Variants in TTLL4 observed in about 807,000 individuals in gnomAD.
The protein encoded by TTLL4 is tubulin monoglutamylase TTLL4.
Under a neutral mutation model 122.7 loss-of-function variants are expected in TTLL4, and 85 were observed. The ratio of observed to expected loss-of-function variants is 0.69; its 90% CI spans 0.58 to 0.83. The LOEUF (loss-of-function observed/expected upper bound fraction) is 0.83, where lower values mean the gene tolerates loss of function less well. TTLL4 is among the 40% of genes least tolerant of loss of function. The probability of loss-of-function intolerance (pLI) is 0.00; values close to 1 mark genes in which losing one functional copy is unlikely to be tolerated. For synonymous variants in TTLL4, 553 were observed against 563.0 expected (o/e 0.98, Z 0.25); for missense variants, 1,363 against 1,488.6 (o/e 0.92, Z 1.39).
intron 15 of TTLL4, among the ~76,000 whole-genome samples, chr2:218,751,281 C>T (rs575222128): frequency 5.3e-5 from 8 of 152,002 alleles, no homozygotes; most frequent in Non-Finnish European, 1.2e-4. Flanking sequence ...CTCACTATCT[C>T]TCTCAACAGT....
chr2:218,738,246 A>G lies in TTLL4; in HGVS notation c.570A>G (p.Glu190=), dbSNP rs1397767536. The G allele has an allele frequency of 6.2e-7, 1 of 1,613,992 alleles. No individual in the cohort carries two copies. Among genetic ancestry groups the G allele is most frequent in the Admixed American group, 1.7e-5 (1 of 60,012 alleles). ...ACCTCTGCTTGGCAGCGGCTGGGGAAAACCCTTCAGGGAAGAGCCTGGCCT... is the reference window on the plus strand; with the variant it reads ...ACCTCTGCTTGGCAGCGGCTGGGGAGAACCCTTCAGGGAAGAGCCTGGCCT... ...EPYLCLAAAG[E]NPSGKSLASA... Residue 190 remains glutamate, a synonymous_variant, in exon 3 of 20, where the codon GAA becomes GAG. Transcript: ENST00000392102.
intron 8 of TTLL4, chr2:218,746,590 A>G: frequency 2.7e-6 from 1 of 368,362 alleles, no homozygotes; most frequent in Non-Finnish European, 5.0e-6. Flanking sequence ...TCTGTTTATT[A>G]TGTTTCCCTA....
At position 218,738,922 on chromosome 2, in the gene TTLL4, A is replaced by G; in HGVS notation, c.1246A>G (p.Thr416Ala). ...TLGLDNTVFC[T>A]KRISIHLLAS... ...GGGGTTGGACAATACAGTCTTCTGTACCAAGCGTATCAGCATTCACCTCCT... is the reference window on the plus strand; with the variant it reads ...GGGGTTGGACAATACAGTCTTCTGTGCCAAGCGTATCAGCATTCACCTCCT... Residue 416 changes from threonine (T) to alanine (A), a missense_variant, in exon 3 of 20, where the codon ACC becomes GCC. Coordinates refer to ENST00000392102, the MANE Select transcript of TTLL4 (RefSeq NM_014640.5). 1 of 1,614,208 alleles carries G rather than the reference A, an allele frequency of 6.2e-7. No homozygotes were observed. Among genetic ancestry groups the G allele is most frequent in the Non-Finnish European group, 8.5e-7 (1 of 1,180,028 alleles).
chr2:218,745,161 C>T lies in TTLL4; in HGVS notation c.1714C>T (p.Arg572Ter), dbSNP rs756109818. 10 of 1,613,970 alleles carry T rather than the reference C, an allele frequency of 6.2e-6. No individual in the cohort carries two copies. Among genetic ancestry groups the T allele is most frequent in the Non-Finnish European group, 7.6e-6 (9 of 1,179,956 alleles). Reference protein sequence around the residue: ...KPLSNHEKVVRPALIYSLFPN... With the variant: ...KPLSNHEKVV ...CCTTTCCAATCATGAGAAAGTTGTC[C>T]GACCAGCCCTCATCTACAGTCTCTT... Residue 572 changes from arginine (R) to a stop codon, truncating the protein, a stop_gained, in exon 6 of 20, where the codon CGA (arginine) becomes TGA (stop). Coordinates refer to ENST00000392102, the MANE Select transcript of TTLL4 (RefSeq NM_014640.5). LOFTEE classifies it high-confidence loss of function.
At chr2:218,751,418 G>A (rs1943010888) in intron 15 of TTLL4, among the ~76,000 whole-genome samples, 1 of 152,104 alleles carries the variant, frequency 6.6e-6, no homozygotes, top group Non-Finnish European at 1.5e-5. Context: ...GAATTAAACT[G>A]AACTGAAGTA....
intron 2 of TTLL4, among the ~76,000 whole-genome samples, chr2:218,729,934 A>G (rs1327519358): frequency 2.0e-5 from 3 of 151,918 alleles, no homozygotes; most frequent in African/African-American, 7.3e-5. Flanking sequence ...TGTAGAGATA[A>G]TGTCTCCCTA....
At position 218,750,899 on chromosome 2, in the gene TTLL4, T is replaced by C. The variant is rs372874296; in HGVS notation, c.2873+753T>C. Among the ~76,000 whole-genome samples the C allele has an allele frequency of 3.3e-5, 5 of 152,002 alleles. No homozygotes were observed. In the South Asian group the frequency reaches 8.3e-4, roughly 25 times the overall value. On this transcript the variant is annotated intron_variant, in intron 15 of 19. Coordinates refer to ENST00000392102, the MANE Select transcript of TTLL4 (RefSeq NM_014640.5). ...TTTTCTTTTTTCATACCACAAAGCA[T>C]TGGGAACCACTCTAGAGAGGAGGGA...
At position 218,753,103 on chromosome 2, in the gene TTLL4, A is replaced by G. The variant is rs1215566131; in HGVS notation, c.3188-12A>G. The G allele has an allele frequency of 3.7e-6, 6 of 1,614,018 alleles. No individual in the cohort carries two copies. The highest frequency in any genetic ancestry group is 5.1e-6 in the Non-Finnish European group (6 of 1,180,028). On this transcript the variant is annotated splice_polypyrimidine_tract_variant and intron_variant, in intron 17 of 19. Transcript: ENST00000392102. ...CCTTCTTAAACCCCAACTCCTGCTA[A>G]TCTTGTCCTAGGAGTAGATCTGCTC...
chr2:218,749,021 GGCCAT>G, intron 13 of TTLL4, 87 bp downstream of exon 13: 1 of 1,462,160 alleles, frequency 6.8e-7, no homozygotes, highest in Non-Finnish European at 9.5e-7. Flanking sequence ...TCTGGACTTT[GGCCAT>G]GCTGTGGTTT....
intron 7 of TTLL4, 24 bp downstream of exon 7, chr2:218,745,825 G>A (rs1201763054): frequency 6.3e-7 from 1 of 1,599,544 alleles, no homozygotes; most frequent in Non-Finnish European, 8.6e-7. Flanking sequence ...CTTACTGTGA[G>A]CCTGTCCTTT....
At position 218,747,796 on chromosome 2, in the gene TTLL4, G is replaced by A. The variant is rs1942889849; in HGVS notation, c.2378+71G>A. ...ATTTTCCTTGGAGGGAGGGAAACTA[G>A]AAGACACCAAACAGAAAAATAGTTT... is the stretch of plus-strand genomic sequence containing the variant. On this transcript the variant is annotated intron_variant, in intron 11 of 19. Transcript: ENST00000392102. This position sits in a 1 kb window ranked among gnomAD's most constrained non-coding sequence, Gnocchi z 4.7. The A allele has an allele frequency of 6.3e-7, 1 of 1,587,220 alleles. No individual in the cohort carries two copies. Among genetic ancestry groups the A allele is most frequent in the African/African-American group, 1.3e-5 (1 of 74,120 alleles).
downstream of TTLL4, among the ~76,000 whole-genome samples, chr2:218,758,530 A>G (rs1387694800): frequency 1.3e-5 from 2 of 152,240 alleles, no homozygotes; most frequent in African/African-American, 4.8e-5. Context: ...TTACCAAACT[A>G]TGGTAAAATA....
In TTLL4 at chr2:218,753,985, T is replaced by A. The variant is rs55900247; in HGVS notation, c.3345-149T>A. 24 of 1,236,952 alleles carry A rather than the reference T, an allele frequency of 1.9e-5. No homozygotes were observed. In the African/African-American group the frequency reaches 3.2e-4, roughly 16 times the overall value. 76.6% of individuals were successfully genotyped at this position (1,236,952 alleles called of 1,614,324 possible). A position where few individuals can be genotyped will look rare whatever the true frequency, so the allele number is the denominator to read the frequency against. On this transcript the variant is annotated intron_variant, in intron 19 of 19. Transcript: ENST00000392102. ...GTCTCAAGCCTTCAAGTAAATAGAA[T>A]TTTTTTTATGGTTATTACATTTCCA... is the stretch of plus-strand genomic sequence containing the variant.
In TTLL4 at chr2:218,754,520, T is replaced by G; in HGVS notation, c.*131T>G. 1.6e-6 allele frequency: 2 copies of G among 1,272,468 alleles called. No individual in the cohort carries two copies. The highest frequency in any genetic ancestry group is 2.2e-6 in the Non-Finnish European group (2 of 929,536). The allele number at this position is 1,272,468 out of a possible 1,614,324, so 78.8% of individuals were successfully genotyped here. A position where few individuals can be genotyped will look rare whatever the true frequency, so the allele number is the denominator to read the frequency against. ...TCCCTCCTCAGAGTATTTTTTGAAG[T>G]GGTTGCATTATAGAGATGGGTATTT... On this transcript the variant is annotated 3_prime_UTR_variant, in exon 20 of 20. Coordinates refer to ENST00000392102, the MANE Select transcript of TTLL4 (RefSeq NM_014640.5).
chr2:218,738,312 C>T lies in TTLL4; in HGVS notation c.636C>T (p.Ser212=), dbSNP rs774557912. ...SGKIPSPLSS[S]YKPMLNNNSF... ...AGATCCCATCTCCACTCTCTTCCTC[C>T]TATAAGCCCATGCTGAATAATAATT... The change falls in exon 3 of 20, where the codon TCC becomes TCT. Residue 212 remains serine, a synonymous_variant. Coordinates refer to ENST00000392102, the MANE Select transcript of TTLL4 (RefSeq NM_014640.5). 15 of 1,613,960 alleles carry T rather than the reference C, an allele frequency of 9.3e-6. No homozygotes were observed. The East Asian group carries it at 2.7e-4, about 29-fold the overall frequency.
intron 1 of TTLL4, among the ~76,000 whole-genome samples, chr2:218,717,307 G>A (rs935306082): frequency 2.0e-5 from 3 of 151,914 alleles, no homozygotes; most frequent in Non-Finnish European, 2.9e-5. Flanking sequence ...TAGCAGGACC[G>A]CCAAAAGGAT....
chr2:218,732,277 C>T (rs958086478), intron 2 of TTLL4, among the ~76,000 whole-genome samples: 1 of 152,154 alleles, frequency 6.6e-6, no homozygotes, highest in Non-Finnish European at 1.5e-5. Context: ...CCAGTAGTAG[C>T]CAGTACATAG....
intron 1 of TTLL4, among the ~76,000 whole-genome samples, chr2:218,720,995 C>T (rs1942019587): frequency 6.6e-6 from 1 of 152,160 alleles, no homozygotes; most frequent in Non-Finnish European, 1.5e-5. Context: ...CCCAAAAGGA[C>T]AGGGTTTGGA....
chr2:218,751,654 TAAGAA>T, intron 15 of TTLL4, 45 bp from the exon 16 acceptor site: 7 of 1,591,574 alleles, frequency 4.4e-6, no homozygotes, highest in Non-Finnish European at 6.0e-6. Context: ...TTCCTCCAAA[TAAGAA>T]GCTGCTGACC....
Sources: allele counts gnomAD v4.1 joint callset (sites outside exome capture counted in the v4.1 genomes callset), GRCh38; gene constraint gnomAD v4.1.1; non-coding constraint Gnocchi (gnomAD v3.1); transcripts MANE v1.5; gene names NCBI Gene and HGNC (gene_info 2026-07-23, HGNC 2026-07-21).